The following MEST variants were observed in gnomAD, a reference collection of about 807,000 sequenced individuals.
The protein encoded by MEST is mesoderm-specific transcript homolog protein.
Under a neutral mutation model 50.9 loss-of-function variants are expected in MEST, and 18 were observed. The observed-to-expected ratio is 0.35, with a 90% CI of 0.24 to 0.52. MEST has a LOEUF of 0.52. Among genes scored for constraint, MEST ranks in the 20% least tolerant of loss-of-function variants. The probability of loss-of-function intolerance (pLI) is 0.94; values close to 1 mark genes in which losing one functional copy is unlikely to be tolerated. For synonymous variants in MEST, 130 were observed against 154.1 expected (o/e 0.84, Z 1.16); for missense variants, 282 against 425.3 (o/e 0.66, Z 2.96).
In MEST at chr7:130,500,029, T is replaced by C; in HGVS notation, c.576+114T>C. 1 of 903,946 alleles carries C rather than the reference T, an allele frequency of 1.1e-6. No homozygotes were observed. The highest frequency in any genetic ancestry group is 1.7e-6 in the Non-Finnish European group (1 of 592,132). The allele number at this position is 903,946 out of a possible 1,614,324, so 56.0% of individuals were successfully genotyped here. A position where few individuals can be genotyped will look rare whatever the true frequency, so the allele number is the denominator to read the frequency against. On this transcript the variant is annotated intron_variant, in intron 7 of 11. Coordinates refer to ENST00000223215, the MANE Select transcript of MEST (RefSeq NM_002402.4). This position sits in a 1 kb window ranked among gnomAD's most constrained non-coding sequence, Gnocchi z 5.0. ...CTGGCAGTAGTTAAATCCTCTTCCT[T>C]GTGAATTTCTATTAATGAAGTTACT...
rs1554435438 is a variant in MEST, at chr7:130,492,141, C to G, written c.-173C>G. 1 of 337,800 alleles carries G rather than the reference C, an allele frequency of 3.0e-6. No individual in the cohort carries two copies. Among genetic ancestry groups the G allele is most frequent in the Admixed American group, 5.2e-5 (1 of 19,320 alleles). The allele number at this position is 337,800 out of a possible 1,614,324, so 20.9% of individuals were successfully genotyped here. ...CTCTGCGGCAGCTGCGCCTCGCAAG[C>G]GCAGTGCCGCAGCGCACGCCGGAGT... On this transcript the variant is annotated 5_prime_UTR_variant, in exon 1 of 12. Coordinates refer to ENST00000223215, the MANE Select transcript of MEST (RefSeq NM_002402.4). The surrounding 1 kb of genome is among the most constrained non-coding windows in gnomAD (Gnocchi z 7.6).
chr7:130,493,632 C>T (rs1337279944), intron 1 of MEST, among the ~76,000 whole-genome samples: 2 of 152,066 alleles, frequency 1.3e-5, no homozygotes, highest in African/African-American at 4.8e-5. Context: ...TTTTTAACCC[C>T]CCACTTTCCC....
intron 6 of MEST, among the ~76,000 whole-genome samples, chr7:130,499,225 A>G (rs1799186338): frequency 6.6e-6 from 1 of 152,224 alleles, no homozygotes; most frequent in Non-Finnish European, 1.5e-5. Flanking sequence ...TTGCAAGTTC[A>G]TGAATATCCA....
chr7:130,490,522 G>GCCAGCTTTGTGGCCGGCA (rs1798763440), upstream of MEST, among the ~76,000 whole-genome samples: 1 of 152,140 alleles, frequency 6.6e-6, no homozygotes, highest in South Asian at 2.1e-4. Context: ...TTTATTAGGG[G>GCCAGCTTTGTGGCCGGCA]CCAGCTTTGT....
chr7:130,496,251 A>G (rs1799056218), intron 2 of MEST: 2 of 437,938 alleles, frequency 4.6e-6, no homozygotes, highest in African/African-American at 2.1e-5. Flanking sequence ...GGTTACTTCC[A>G]GTTTTACTGT....
intron 4 of MEST, 52 bp from the exon 5 acceptor site, chr7:130,498,087 G>A (rs146122107): frequency 6.2e-7 from 1 of 1,614,048 alleles, no homozygotes; most frequent in East Asian, 2.2e-5. Flanking sequence ...GGCTGGCAGA[G>A]AGAGCTGTCC....
At position 130,492,470 on chromosome 7, in the gene MEST, G is replaced by C; in HGVS notation, c.26+131G>C. On this transcript the variant is annotated intron_variant, in intron 1 of 11. Transcript: ENST00000223215. The surrounding 1 kb of genome is among the most constrained non-coding windows in gnomAD (Gnocchi z 7.6). ...CGAAAACTCTACCGACAGGCGGCACGCATTCCGCGCCCGCTCTGCCTACTT... is the reference window on the plus strand; with the variant it reads ...CGAAAACTCTACCGACAGGCGGCACCCATTCCGCGCCCGCTCTGCCTACTT... 2.7e-6 allele frequency: 2 copies of C among 737,990 alleles called. No homozygotes were observed. The highest frequency in any genetic ancestry group is 6.6e-5 in the South Asian group (1 of 15,230). The allele number at this position is 737,990 out of a possible 1,614,324, so 45.7% of individuals were successfully genotyped here. A position where few individuals can be genotyped will look rare whatever the true frequency, so the allele number is the denominator to read the frequency against.
In MEST at chr7:130,498,459, CTCTG is replaced by C; in HGVS notation, c.524_527del (p.Leu175GlnfsTer32). On this transcript the variant is annotated frameshift_variant, in exon 6 of 12. Transcript: ENST00000223215. LOFTEE classifies it high-confidence loss of function. Reference sequence around the variant, plus strand: ...ATCTGGTCGGCTTACCATAAAGAGTCTCTGTCTGTCAAATGGAGGTAATTGCCTT... The same window carrying C: ...ATCTGGTCGGCTTACCATAAAGAGTCTCTGTCAAATGGAGGTAATTGCCTT... The C allele has an allele frequency of 2.5e-6, 4 of 1,614,132 alleles. No homozygotes were observed. The highest frequency in any genetic ancestry group is 2.5e-6 in the Non-Finnish European group (3 of 1,180,010).
upstream of MEST, among the ~76,000 whole-genome samples, chr7:130,490,370 T>G (rs1554434849): frequency 6.6e-6 from 1 of 152,220 alleles, no homozygotes. Flanking sequence ...TCCGGTGCTT[T>G]GCGAAAGCCG....
Position 130,497,647 on chromosome 7 carries a change from A to G in MEST, c.262-289A>G, listed in dbSNP as rs1019378333. Reference sequence around the variant, plus strand: ...GCTCTTGCACATTTGAATTGCTTTTAAAAAAACATTAAATGTTGAACTGTT... The same window carrying G: ...GCTCTTGCACATTTGAATTGCTTTTGAAAAAACATTAAATGTTGAACTGTT... On this transcript the variant is annotated intron_variant, in intron 3 of 11. Coordinates refer to ENST00000223215, the MANE Select transcript of MEST (RefSeq NM_002402.4). The surrounding 1 kb of genome is among the most constrained non-coding windows in gnomAD (Gnocchi z 4.0). 1 of 379,118 alleles carries G rather than the reference A, an allele frequency of 2.6e-6. No individual in the cohort carries two copies. Among genetic ancestry groups the G allele is most frequent in the South Asian group, 4.7e-5 (1 of 21,486 alleles). The allele number at this position is 379,118 out of a possible 1,614,324, so 23.5% of individuals were successfully genotyped here. A position where few individuals can be genotyped will look rare whatever the true frequency, so the allele number is the denominator to read the frequency against.
At chr7:130,494,861 A>G in intron 1 of MEST, 1 of 982,626 alleles carries the variant, frequency 1.0e-6, no homozygotes, top group East Asian at 1.1e-4. Flanking sequence ...AAGTTACTAC[A>G]CACACACACT....
In MEST at chr7:130,500,016, A is replaced by G; in HGVS notation, c.576+101A>G. On this transcript the variant is annotated intron_variant, in intron 7 of 11. Transcript: ENST00000223215. This position sits in a 1 kb window ranked among gnomAD's most constrained non-coding sequence, Gnocchi z 5.0. ...ATAGCTCCTGTAACTGGCAGTAGTT[A>G]AATCCTCTTCCTTGTGAATTTCTAT... is the stretch of plus-strand genomic sequence containing the variant. The G allele has an allele frequency of 1.0e-6, 1 of 968,794 alleles. No homozygotes were observed. The highest frequency in any genetic ancestry group is 1.6e-6 in the Non-Finnish European group (1 of 639,184). The allele number at this position is 968,794 out of a possible 1,614,324, so 60.0% of individuals were successfully genotyped here.
At position 130,497,807 on chromosome 7, in the gene MEST, GT is replaced by G. The variant is rs1438602874; in HGVS notation, c.262-126del. On this transcript the variant is annotated intron_variant, in intron 3 of 11. Coordinates refer to ENST00000223215, the MANE Select transcript of MEST (RefSeq NM_002402.4). This position sits in a 1 kb window ranked among gnomAD's most constrained non-coding sequence, Gnocchi z 4.0. ...AGGATCATCTGTGGGACCTGTGGTAGTTTCATGGCGTTTTCTCTTTATGGAA... is the reference window on the plus strand; with the variant it reads ...AGGATCATCTGTGGGACCTGTGGTAGTTCATGGCGTTTTCTCTTTATGGAA... 5.1e-6 allele frequency: 4 copies of G among 785,744 alleles called. No individual in the cohort carries two copies. The African/African-American group carries it at 6.9e-5, about 13-fold the overall frequency. 48.7% of individuals were successfully genotyped at this position (785,744 alleles called of 1,614,324 possible).
chr7:130,502,301 T>G (rs970190896), intron 9 of MEST, among the ~76,000 whole-genome samples: 1 of 152,174 alleles, frequency 6.6e-6, no homozygotes, highest in Non-Finnish European at 1.5e-5. Flanking sequence ...GTCAGAGAGG[T>G]AGGTAGTGGT....
chr7:130,495,778 G>GTTTTT (rs71178591), intron 2 of MEST: 41,075 of 188,940 alleles, frequency 0.22, 5,941 homozygotes, highest in East Asian at 0.42. Flanking sequence ...TCCAATATTA[G>GTTTTT]TTTTTTTTTT....
Position 130,500,948 on chromosome 7 carries a change from T to C in MEST, c.749+58T>C, listed in dbSNP as rs1411893137. 6.9e-7 allele frequency: 1 copy of C among 1,445,468 alleles called. No individual in the cohort carries two copies. Among genetic ancestry groups the C allele is most frequent in the Non-Finnish European group, 9.6e-7 (1 of 1,040,796 alleles). 89.5% of individuals were successfully genotyped at this position (1,445,468 alleles called of 1,614,324 possible). On this transcript the variant is annotated intron_variant, in intron 9 of 11. Transcript: ENST00000223215. The surrounding 1 kb of genome is among the most constrained non-coding windows in gnomAD (Gnocchi z 5.0). ...GACGTGTTTTTGTGGAGAGTGGGGA[T>C]TGCTTGTTCTGTTCCTTGCTGGCTT... is the stretch of plus-strand genomic sequence containing the variant.
chr7:130,498,344 T>C, intron 5 of MEST, 69 bp downstream of exon 5: 1 of 1,607,876 alleles, frequency 6.2e-7, no homozygotes, highest in Non-Finnish European at 8.5e-7. Context: ...GTTTGTATCC[T>C]TTTTCTCTCG....
In MEST at chr7:130,495,410, C is replaced by G; in HGVS notation, c.69C>G (p.Pro23=). The G allele has an allele frequency of 6.2e-7, 1 of 1,613,480 alleles. No homozygotes were observed. The highest frequency in any genetic ancestry group is 8.5e-7 in the Non-Finnish European group (1 of 1,179,726). Residue 23 remains proline (P), a synonymous_variant, in exon 2 of 12, where the codon CCC becomes CCG. Transcript: ENST00000223215. ...TCCAGGTGGGGCTGCTGGCCGTGCC[C>G]CTGCTTGCTGCGTACCTGCACATCC... ...WWVQVGLLAV[P]LLAAYLHIPP...
chr7:130,501,356 T>C (rs1799270729), intron 9 of MEST, among the ~76,000 whole-genome samples: 1 of 152,242 alleles, frequency 6.6e-6, no homozygotes, highest in Admixed American at 6.5e-5. Flanking sequence ...CCAGTGTTTT[T>C]ACTGATGGCT....
Sources: gnomAD v4.1 joint callset for allele counts (sites outside exome capture counted in the v4.1 genomes callset) on GRCh38, gnomAD v4.1.1 for gene constraint, Gnocchi (gnomAD v3.1) non-coding constraint, MANE v1.5 for transcripts, NCBI Gene and HGNC (gene_info 2026-07-23, HGNC 2026-07-21) for gene names.